The following CHCHD3 variants were observed in gnomAD, a reference collection of about 807,000 sequenced individuals.
CHCHD3 encodes MICOS complex subunit MIC19.
A neutral mutation model predicts 38.2 loss-of-function variants in CHCHD3; 20 were observed. That is an observed-to-expected ratio of 0.52 (90% CI 0.37 to 0.76). The LOEUF is 0.76. Ranked by LOEUF, CHCHD3 falls within the 30% of genes least tolerant of loss-of-function variation. The pLI is 0.00. For missense variants in CHCHD3, 245 were observed against 279.2 expected (o/e 0.88, Z 0.87); for synonymous variants, 82 against 100.0 (o/e 0.82, Z 1.07).
chr7:133,070,641 C>A (rs1814794859), intron 1 of CHCHD3, among the ~76,000 whole-genome samples: 1 of 152,074 alleles, frequency 6.6e-6, no homozygotes, highest in Non-Finnish European at 1.5e-5. Flanking sequence ...TCTCCCCTCC[C>A]TCCCTCCCTC....
At chr7:132,976,218 C>CCT (rs36105012) in intron 3 of CHCHD3, among the ~76,000 whole-genome samples, 54,201 of 151,914 alleles carry the variant, frequency 0.36, 10,580 homozygotes, top group Non-Finnish European at 0.44. Flanking sequence ...CTGCAGGGCT[C>CCT]CTCACTTCTG....
At chr7:132,830,717 C>T (rs1807625708) in intron 6 of CHCHD3, 1 of 152,204 alleles carries the variant, frequency 6.6e-6, no homozygotes, top group Non-Finnish European at 1.5e-5. Flanking sequence ...TCCAGCAGCA[C>T]ATTTGCAAAT....
intron 6 of CHCHD3, chr7:132,830,575 C>T (rs1807621410): frequency 6.6e-6 from 1 of 152,078 alleles, no homozygotes; most frequent in Non-Finnish European, 1.5e-5. Context: ...AAATAACCTG[C>T]CTGAGGAATT....
chr7:133,018,418 G>A (rs2117428240), intron 3 of CHCHD3, among the ~76,000 whole-genome samples: 1 of 152,312 alleles, frequency 6.6e-6, no homozygotes, highest in East Asian at 1.9e-4. Flanking sequence ...ACTGCATTGA[G>A]AATATACTGA....
In CHCHD3 at chr7:132,986,501, C is replaced by G. The variant is rs562182740; in HGVS notation, c.252-11215G>C. On this transcript the variant is annotated intron_variant, in intron 3 of 7. Transcript: ENST00000262570. ...GAAAGGAAAGGCTTACCTATAGACT[C>G]TAATGCGATTTGAGGAAAAGTCAAG... 8.6e-5 allele frequency among the ~76,000 whole-genome samples: 13 copies of G among 151,338 alleles called. No homozygotes were observed. In the South Asian group the frequency reaches 2.5e-3, roughly 29 times the overall value.
chr7:132,982,157 A>T (rs982472568), intron 3 of CHCHD3, among the ~76,000 whole-genome samples: 4 of 152,276 alleles, frequency 2.6e-5, no homozygotes, highest in Admixed American at 2.6e-4. Flanking sequence ...TTTTTGATTA[A>T]TAAGACTTGA....
chr7:132,977,171 C>T (rs891929779), intron 3 of CHCHD3, among the ~76,000 whole-genome samples: 2 of 152,198 alleles, frequency 1.3e-5, no homozygotes, highest in African/African-American at 4.8e-5. Context: ...AGAAGTCACA[C>T]CACTTCCTAG....
At chr7:132,814,551 A>C (rs779885412) in intron 6 of CHCHD3, among the ~76,000 whole-genome samples, 3 of 152,228 alleles carry the variant, frequency 2.0e-5, no homozygotes, top group Non-Finnish European at 4.4e-5. Context: ...TCTCCTTTCT[A>C]TAAATGCACC....
At chr7:133,062,417 C>T (rs1004589192) in intron 2 of CHCHD3, among the ~76,000 whole-genome samples, 1 of 152,082 alleles carries the variant, frequency 6.6e-6, no homozygotes, top group African/African-American at 2.4e-5. Flanking sequence ...CTAACCAATG[C>T]CGTATTTTAT....
chr7:132,802,615 T>G (rs1160680111), intron 6 of CHCHD3, among the ~76,000 whole-genome samples: 1 of 152,198 alleles, frequency 6.6e-6, no homozygotes. Context: ...TGGCTAATTT[T>G]TACTTTCCAC....
At position 132,937,469 on chromosome 7, in the gene CHCHD3, A is replaced by G. The variant is rs73449611; in HGVS notation, c.369+37700T>C. On this transcript the variant is annotated intron_variant, in intron 4 of 7. Coordinates refer to ENST00000262570, the MANE Select transcript of CHCHD3 (RefSeq NM_017812.4). Reference sequence around the variant, plus strand: ...ATTTAGTCTATGATTCATGTACCATACTGACTGCATACAATTTTTTAAACT... The same window carrying G: ...ATTTAGTCTATGATTCATGTACCATGCTGACTGCATACAATTTTTTAAACT... Among the ~76,000 whole-genome samples, 511 of 152,318 alleles carry G rather than the reference A, an allele frequency of 3.4e-3. 5 individuals carry two copies. Among genetic ancestry groups the G allele is most frequent in the African/African-American group, 0.012 (493 of 41,578 alleles).
At chr7:132,875,357 G>A (rs1230586952) in intron 5 of CHCHD3, among the ~76,000 whole-genome samples, 2 of 152,252 alleles carry the variant, frequency 1.3e-5, no homozygotes, top group East Asian at 3.9e-4. Context: ...TATGTGCCAG[G>A]CACTATCACA....
intron 2 of CHCHD3, among the ~76,000 whole-genome samples, chr7:133,039,875 G>A (rs956883111): frequency 7.9e-5 from 12 of 152,208 alleles, no homozygotes; most frequent in African/African-American, 2.2e-4. Context: ...CAGGGTGCAC[G>A]CAGCTTCAGA....
At chr7:132,816,086 T>C (rs1329383922) in intron 6 of CHCHD3, among the ~76,000 whole-genome samples, 4 of 152,228 alleles carry the variant, frequency 2.6e-5, no homozygotes. Flanking sequence ...GTTCGGCACT[T>C]TCTTATGGTC....
At chr7:132,936,970 T>G (rs1307145564) in intron 4 of CHCHD3, among the ~76,000 whole-genome samples, 2 of 152,218 alleles carry the variant, frequency 1.3e-5, no homozygotes, top group Non-Finnish European at 2.9e-5. Flanking sequence ...TTTGGAAGCC[T>G]TGTGATTTAG....
chr7:132,999,901 T>C (rs1037420562), intron 3 of CHCHD3, among the ~76,000 whole-genome samples: 1 of 152,172 alleles, frequency 6.6e-6, no homozygotes, highest in Non-Finnish European at 1.5e-5. Flanking sequence ...TTATTGAGCA[T>C]TTATTATGTG....
At chr7:132,984,643 G>A (rs1393288367) in intron 3 of CHCHD3, among the ~76,000 whole-genome samples, 8 of 147,194 alleles carry the variant, frequency 5.4e-5, no homozygotes, top group Admixed American at 4.0e-4. Flanking sequence ...GCCGCCCATC[G>A]TCTGAGATGT....
chr7:133,054,833 C>A (rs1283334627), intron 2 of CHCHD3, among the ~76,000 whole-genome samples: 1 of 152,128 alleles, frequency 6.6e-6, no homozygotes, highest in Non-Finnish European at 1.5e-5. Context: ...GGAAAGTATT[C>A]TGAAGAAGCT....
chr7:132,955,499 G>A (rs1452487760), intron 4 of CHCHD3, among the ~76,000 whole-genome samples: 1 of 150,640 alleles, frequency 6.6e-6, no homozygotes, highest in Non-Finnish European at 1.5e-5. Flanking sequence ...TCAAACACCA[G>A]TCTAGCTGGG....
Sources: allele counts gnomAD v4.1 joint callset (sites outside exome capture counted in the v4.1 genomes callset), GRCh38; gene constraint gnomAD v4.1.1; transcripts MANE v1.5; gene names NCBI Gene and HGNC (gene_info 2026-07-23, HGNC 2026-07-21).